Variants in NLRP7 observed in about 807,000 individuals in gnomAD.
NLRP7 encodes the protein NACHT, LRR and PYD domains-containing protein 7.
A neutral mutation model predicts 85.5 loss-of-function variants in NLRP7; 72 were observed. That is an observed-to-expected ratio of 0.84 (90% CI 0.70 to 1.02). The LOEUF is 1.02. Ranked by LOEUF, NLRP7 falls within the 50% of genes least tolerant of loss-of-function variation. The pLI is 0.00. For missense variants in NLRP7, 1,243 were observed against 1,219.5 expected (o/e 1.02, Z -0.29); for synonymous variants, 550 against 505.2 (o/e 1.09, Z -1.19).
At chr19:54,928,465 T>C (rs1055084946) in intron 9 of NLRP7, among the ~76,000 whole-genome samples, 3 of 151,730 alleles carry the variant, frequency 2.0e-5, no homozygotes, top group Non-Finnish European at 4.4e-5. Context: ...CAGAGGGGAG[T>C]GAGCAGAAGA....
chr19:54,945,593 T>C (rs990029479), intron 1 of NLRP7, among the ~76,000 whole-genome samples: 1 of 150,822 alleles, frequency 6.6e-6, no homozygotes, highest in African/African-American at 2.4e-5. Context: ...CCCAAGTACA[T>C]TTTTTTCTTT....
intron 9 of NLRP7, among the ~76,000 whole-genome samples, chr19:54,927,017 GAGA>G (rs1361937169): frequency 3.3e-5 from 5 of 151,932 alleles, no homozygotes; most frequent in Admixed American, 2.0e-4. Flanking sequence ...TTCAACCTGT[GAGA>G]AGGAGGCTGC....
intron 1 of NLRP7, chr19:54,953,476 TTAGG>T (rs941830156): frequency 2.1e-4 from 32 of 152,146 alleles, no homozygotes; most frequent in African/African-American, 7.7e-4. Context: ...AGATAACCGA[TTAGG>T]TCAGGGGTCA....
Position 54,934,386 on chromosome 19 carries a change from A to T in NLRP7, c.2471+103T>A. The T allele has an allele frequency of 8.5e-7, 1 of 1,181,640 alleles. No homozygotes were observed. The highest frequency in any genetic ancestry group is 1.3e-6 in the Non-Finnish European group (1 of 785,734). 73.2% of individuals were successfully genotyped at this position (1,181,640 alleles called of 1,614,324 possible). On this transcript the variant is annotated intron_variant, in intron 7 of 9. Transcript: ENST00000340844. The surrounding 1 kb of genome is among the most constrained non-coding windows in gnomAD (Gnocchi z 6.7). ...CGGGCCTGAAGCAGGTGTTTATTTC[A>T]GCAAGAGGCGCCACGTGGGTGGCGC...
chr19:54,937,594 A>C (rs987306570), intron 5 of NLRP7, among the ~76,000 whole-genome samples: 1 of 151,104 alleles, frequency 6.6e-6, no homozygotes, highest in Admixed American at 6.6e-5. Context: ...TCTGTCTCAG[A>C]AAAAATAAAA....
In NLRP7 at chr19:54,962,810, A is replaced by G. The variant is rs371173496; in HGVS notation, c.-77+3230T>C. 1.1e-3 allele frequency among the ~76,000 whole-genome samples: 159 copies of G among 149,902 alleles called. 1 individual carries two copies. The highest frequency in any genetic ancestry group is 9.6e-3 in the East Asian group (47 of 4,892). On this transcript the variant is annotated intron_variant, in intron 1 of 2. Coordinates refer to the NLRP7 transcript ENST00000587103. ...GAGACGGGGTTTCACCGTGTTAGCCAGGATGGTCTCCATCTCCTGACCTCG... is the reference window on the plus strand; with the variant it reads ...GAGACGGGGTTTCACCGTGTTAGCCGGGATGGTCTCCATCTCCTGACCTCG...
At position 54,940,382 on chromosome 19, in the gene NLRP7, A is replaced by C. The variant is rs1179488030; in HGVS notation, c.437T>G (p.Phe146Cys). The C allele has an allele frequency of 3.1e-6, 5 of 1,614,152 alleles. No homozygotes were observed. In the South Asian group the frequency reaches 5.5e-5, roughly 18 times the overall value. Residue 146 changes from phenylalanine (F) to cysteine (C), a missense_variant, in exon 4 of 10, where the codon TTC becomes TGC. Around this residue, in one of 3 missense-constraint regions of NLRP7, gnomAD observed 591 missense variants for 563.3 expected, o/e 1.05. Coordinates refer to ENST00000340844, the Ensembl canonical transcript of NLRP7. ...GTTTCTCAGAGTGACGTCGTCATGG[A>C]AATTGTCAATGTCTCCTTGCCAAAA...
At chr19:54,929,492 T>C (rs768162321) in intron 9 of NLRP7, among the ~76,000 whole-genome samples, 6 of 152,172 alleles carry the variant, frequency 3.9e-5, no homozygotes, top group Non-Finnish European at 7.3e-5. Flanking sequence ...ATAGGTTGCA[T>C]CCAAGAGATG....
intron 8 of NLRP7, among the ~76,000 whole-genome samples, chr19:54,931,017 C>A (rs986847899): frequency 2.6e-5 from 4 of 151,934 alleles, no homozygotes; most frequent in African/African-American, 9.7e-5. Flanking sequence ...AGCGAGACTC[C>A]GTCTCAAGAA....
intron 1 of NLRP7, among the ~76,000 whole-genome samples, chr19:54,961,930 G>A (rs184996775): frequency 5.1e-4 from 78 of 151,614 alleles, no homozygotes; most frequent in African/African-American, 1.7e-3. Flanking sequence ...AGGCTGAGGC[G>A]GGTGGATCAC....
At chr19:54,950,665 C>T (rs2069638989), upstream of NLRP7, among the ~76,000 whole-genome samples, 1 of 151,544 alleles carries the variant, frequency 6.6e-6, no homozygotes, top group South Asian at 2.1e-4. Flanking sequence ...CACCTCCAGC[C>T]CTAAGGCGGT....
At chr19:54,927,576 C>A (rs113541750) in intron 9 of NLRP7, 29 bp downstream of exon 10, 1 of 314,792 alleles carries the variant, frequency 3.2e-6, no homozygotes, top group Non-Finnish European at 4.1e-6. Context: ...AAACAAAAAA[C>A]AAAACAAAAC....
intron 1 of NLRP7, among the ~76,000 whole-genome samples, chr19:54,960,299 G>A (rs564345904): frequency 4.0e-5 from 6 of 151,822 alleles, no homozygotes; most frequent in South Asian, 2.1e-4. Context: ...GGGATTACAG[G>A]TGCCTGCCGC....
At chr19:54,933,788 C>T in intron 7 of NLRP7, 49 bp from the exon 8 acceptor site, 3 of 1,493,968 alleles carry the variant, frequency 2.0e-6, no homozygotes, top group Middle Eastern at 1.7e-4. Flanking sequence ...ATTTCCACAA[C>T]TCCAACCTGC....
chr19:54,960,688 C>T (rs956595610), intron 1 of NLRP7, among the ~76,000 whole-genome samples: 20 of 152,144 alleles, frequency 1.3e-4, no homozygotes, highest in African/African-American at 3.9e-4. Flanking sequence ...CTCCGCCTCC[C>T]GGATTCACGC....
In NLRP7 at chr19:54,962,384, C is replaced by G. The variant is rs553128760; in HGVS notation, c.-77+3656G>C. Among the ~76,000 whole-genome samples the G allele has an allele frequency of 6.0e-5, 9 of 149,810 alleles. No homozygotes were observed. The East Asian group carries it at 1.8e-3, about 31-fold the overall frequency. On this transcript the variant is annotated intron_variant, in intron 1 of 2. Coordinates refer to the NLRP7 transcript ENST00000587103. ...CCAGGTTCCAGCCATTTTCCTGCCT[C>G]AGCCTCCAGAATAGCTGGAATTACA... is the stretch of plus-strand genomic sequence containing the variant.
rs929571360 is a variant in NLRP7, at chr19:54,965,346, C to T, written c.-77+694G>A. 3 of 104,060 alleles carry T rather than the reference C, an allele frequency of 2.9e-5. 1 individual carries two copies. The highest frequency in any genetic ancestry group is 1.3e-4 in the African/African-American group (3 of 22,994). The allele number at this position is 104,060 out of a possible 1,614,324, so 6.4% of individuals were successfully genotyped here. On this transcript the variant is annotated intron_variant, in intron 1 of 2. Coordinates refer to the NLRP7 transcript ENST00000587103. ...AGCTTTCTCAACCTGCAGCCCTCAT[C>T]TCCGCCGGCGAGTAGGGCCAGGTGT...
intron 5 of NLRP7, among the ~76,000 whole-genome samples, chr19:54,937,311 A>G (rs2068975922): frequency 6.6e-6 from 1 of 152,070 alleles, no homozygotes; most frequent in African/African-American, 2.4e-5. Context: ...CTGTACAACA[A>G]ACTCCTATGA....
chr19:54,947,489 C>T (rs2069525979), exon 1 of NLRP7: 2 of 1,289,672 alleles, frequency 1.6e-6, no homozygotes, highest in South Asian at 1.2e-5. Flanking sequence ...TCAGGTCTTG[C>T]TTCCAGCCTG....
Sources: gnomAD v4.1 joint callset for allele counts (sites outside exome capture counted in the v4.1 genomes callset) on GRCh38, gnomAD v4.1.1 for gene constraint, gnomAD v4.1.1 regional missense constraint, Gnocchi (gnomAD v3.1) non-coding constraint, MANE v1.5 for transcripts, NCBI Gene and HGNC (gene_info 2026-07-23, HGNC 2026-07-21) for gene names.